The following CYP3A43 variants were observed in gnomAD, a reference collection of about 807,000 sequenced individuals.
CYP3A43 encodes the protein cytochrome P450 family 3 subfamily A member 43, also known as cytochrome P450 3A43.
Under a neutral mutation model 58.0 loss-of-function variants are expected in CYP3A43, and 45 were observed. That is an observed-to-expected ratio of 0.78 (90% CI 0.61 to 0.99). The LOEUF (loss-of-function observed/expected upper bound fraction) is 0.99. Among genes scored for constraint, CYP3A43 ranks in the 50% least tolerant of loss-of-function variants. The probability of loss-of-function intolerance (pLI) is 0.00; values close to 1 mark genes in which losing one functional copy is unlikely to be tolerated. For synonymous variants in CYP3A43, 191 were observed against 201.4 expected (o/e 0.95, Z 0.44); for missense variants, 593 against 591.9 (o/e 1.00, Z -0.02).
chr7:99,838,244 C>G (rs1398941052), intron 2 of CYP3A43, among the ~76,000 whole-genome samples: 1 of 152,230 alleles, frequency 6.6e-6, no homozygotes, highest in Admixed American at 6.5e-5. Context: ...TGAGTCCACT[C>G]TGTCATTTGC....
chr7:99,863,738 T>C (rs1335282589), intron 12 of CYP3A43, 39 bp downstream of exon 12: 1 of 1,445,000 alleles, frequency 6.9e-7, no homozygotes, highest in African/African-American at 1.4e-5. Flanking sequence ...TATTGGGAGT[T>C]TTTTAAACTG....
chr7:99,839,079 T>C (rs1332126584), intron 2 of CYP3A43, 41 bp from the exon 3 acceptor site: 9 of 1,612,772 alleles, frequency 5.6e-6, no homozygotes, highest in Non-Finnish European at 7.6e-6. Flanking sequence ...GTTCAGTACA[T>C]TCGAAATAAT....
rs780911699 is a variant in CYP3A43, at chr7:99,856,976, G to C, written c.865+77G>C. ...GCCCTGTTCTGAAAATGTGCAGAAA[G>C]TTTTCCAGGAAAATGAGAATTTCTT... On this transcript the variant is annotated intron_variant, in intron 9 of 12. Coordinates refer to ENST00000354829, the MANE Select transcript of CYP3A43 (RefSeq NM_057095.3). The C allele has an allele frequency of 4.7e-6, 7 of 1,495,186 alleles. No homozygotes were observed. The East Asian group carries it at 9.2e-5, about 20-fold the overall frequency. The allele number at this position is 1,495,186 out of a possible 1,614,324, so 92.6% of individuals were successfully genotyped here.
Position 99,863,549 on chromosome 7 carries a change from G to A in CYP3A43, c.1266G>A (p.Lys422=). 1 of 1,601,048 alleles carries A rather than the reference G, an allele frequency of 6.2e-7. No individual in the cohort carries two copies. Among genetic ancestry groups the A allele is most frequent in the Admixed American group, 1.8e-5 (1 of 56,408 alleles). ...EKFCPERFSK[K]NKDSIDLYRY... ...ACTGTGAAAGTAGGTTCAGTAAGAA[G>A]AACAAGGACAGCATAGATCTTTACA... is the stretch of plus-strand genomic sequence containing the variant. The change falls in exon 12 of 13, where the codon AAG becomes AAA. Residue 422 remains lysine, a synonymous_variant. Coordinates refer to ENST00000354829, the MANE Select transcript of CYP3A43 (RefSeq NM_057095.3).
At chr7:99,845,852 T>C (rs1363198213) in intron 4 of CYP3A43, among the ~76,000 whole-genome samples, 1 of 151,780 alleles carries the variant, frequency 6.6e-6, no homozygotes, top group African/African-American at 2.4e-5. Flanking sequence ...CTCGGCTCAC[T>C]CTAGCCTCTG....
At chr7:99,847,655 A>C (rs770008482) in intron 5 of CYP3A43, 54 bp downstream of exon 5, 1 of 1,604,774 alleles carries the variant, frequency 6.2e-7, no homozygotes, top group Non-Finnish European at 8.5e-7. Flanking sequence ...ATCTGGAGAC[A>C]GGTAGTAAGT....
At chr7:99,861,483 A>G (rs1818228497) in intron 10 of CYP3A43, 130 bp from the exon 11 acceptor site, 18 of 801,432 alleles carry the variant, frequency 2.2e-5, no homozygotes, top group Non-Finnish European at 3.3e-5. Flanking sequence ...AAAATAATTT[A>G]TAAATGCAAC....
At chr7:99,849,013 G>T (rs1281914140) in intron 6 of CYP3A43, among the ~76,000 whole-genome samples, 1 of 152,130 alleles carries the variant, frequency 6.6e-6, no homozygotes, top group Non-Finnish European at 1.5e-5. Context: ...CCAGGAGTTG[G>T]GGAAAAGCAG....
chr7:99,829,056 T>C (rs1036416964), intron 1 of CYP3A43, among the ~76,000 whole-genome samples: 7 of 152,218 alleles, frequency 4.6e-5, no homozygotes, highest in Admixed American at 2.6e-4. Context: ...CACTCCCTAC[T>C]TTTTAGCTTA....
intron 1 of CYP3A43, among the ~76,000 whole-genome samples, chr7:99,829,964 G>C (rs116648330): frequency 1.3e-5 from 2 of 152,284 alleles, no homozygotes; most frequent in South Asian, 2.1e-4. Context: ...GGAAGTTTAT[G>C]ACAGGGGAAA....
intron 1 of CYP3A43, 30 bp from the exon 2 acceptor site, chr7:99,836,423 T>A: frequency 3.8e-6 from 6 of 1,588,718 alleles, no homozygotes; most frequent in Non-Finnish European, 5.2e-6. Flanking sequence ...TTACAATTTC[T>A]GTAACCTGGC....
At chr7:99,853,503 C>T (rs1402142104) in intron 7 of CYP3A43, among the ~76,000 whole-genome samples, 1 of 152,110 alleles carries the variant, frequency 6.6e-6, no homozygotes, top group Admixed American at 6.5e-5. Flanking sequence ...CTTATTTCTT[C>T]ATCAATGTAG....
rs2151592258 is a variant in CYP3A43 at position 99,836,342 on chromosome 7, T to G, written c.72-111T>G. The G allele has an allele frequency of 1.4e-5, 11 of 772,030 alleles. No individual in the cohort carries two copies. In the South Asian group the frequency reaches 1.7e-4, roughly 12 times the overall value. 47.8% of individuals were successfully genotyped at this position (772,030 alleles called of 1,614,324 possible). On this transcript the variant is annotated intron_variant, in intron 1 of 12. Transcript: ENST00000354829. Reference sequence around the variant, plus strand: ...AGAGTTTCTGTTGTTATTTATTGCCTCCATGTTACCTCCCTCCCTTGAACA... The same window carrying G: ...AGAGTTTCTGTTGTTATTTATTGCCGCCATGTTACCTCCCTCCCTTGAACA...
intron 10 of CYP3A43, 109 bp from the exon 11 acceptor site, chr7:99,861,504 C>A: frequency 1.1e-6 from 1 of 911,540 alleles, no homozygotes; most frequent in Non-Finnish European, 1.7e-6. Flanking sequence ...AATCTTTTAC[C>A]AGAATGAATT....
At chr7:99,840,673 G>A (rs1347334775) in intron 3 of CYP3A43, among the ~76,000 whole-genome samples, 2 of 151,858 alleles carry the variant, frequency 1.3e-5, no homozygotes, top group African/African-American at 2.4e-5. Flanking sequence ...CTTTAAATTC[G>A]GAAGTTCCCA....
At chr7:99,849,458 G>A (rs1253305527) in intron 6 of CYP3A43, 88 bp from the exon 7 acceptor site, 1 of 1,456,514 alleles carries the variant, frequency 6.9e-7, no homozygotes, top group African/African-American at 1.4e-5. Flanking sequence ...CACCTGTCTT[G>A]CTCTGGCATA....
At chr7:99,850,020 G>C in intron 7 of CYP3A43, 1 of 442,528 alleles carries the variant, frequency 2.3e-6, no homozygotes, top group South Asian at 1.6e-5. Context: ...TGCATGGTGC[G>C]ATCTGGGCTC....
intron 4 of CYP3A43, among the ~76,000 whole-genome samples, chr7:99,845,627 ATC>A (rs1817515930): frequency 6.6e-6 from 1 of 151,482 alleles, no homozygotes; most frequent in African/African-American, 2.4e-5. Flanking sequence ...TAACCTGCGC[ATC>A]TGTTTCTCAT....
chr7:99,854,195 A>G (rs552340996), intron 7 of CYP3A43, among the ~76,000 whole-genome samples: 4 of 145,078 alleles, frequency 2.8e-5, no homozygotes, highest in Admixed American at 6.8e-5. Flanking sequence ...CCATCCTTCT[A>G]CTCTCTATGT....
Sources: allele counts gnomAD v4.1 joint callset (sites outside exome capture counted in the v4.1 genomes callset), GRCh38; gene constraint gnomAD v4.1.1; transcripts MANE v1.5; gene names NCBI Gene and HGNC (gene_info 2026-07-23, HGNC 2026-07-21).